RBFOX1: variants seen among roughly 807,000 people sequenced by gnomAD.
RBFOX1 encodes the protein RNA binding protein fox-1 homolog 1.
Under a neutral mutation model 57.7 loss-of-function variants are expected in RBFOX1, and 8 were observed. That is an observed-to-expected ratio of 0.14 (90% confidence interval 0.08 to 0.25). The LOEUF (loss-of-function observed/expected upper bound fraction) is 0.25, where lower values mean the gene tolerates loss of function less well. Ranked by LOEUF, RBFOX1 falls within the 10% of genes least tolerant of loss-of-function variation. The probability of loss-of-function intolerance (pLI) is 1.00; values close to 1 mark genes in which losing one functional copy is unlikely to be tolerated. For synonymous variants in RBFOX1, 326 were observed against 222.4 expected (o/e 1.47, Z -4.15); for missense variants, 611 against 548.5 (o/e 1.11, Z -1.14).
intron 2 of RBFOX1, among the ~76,000 whole-genome samples, chr16:6,385,122 A>G (rs546775290): frequency 3.9e-5 from 6 of 152,290 alleles, no homozygotes; most frequent in African/African-American, 1.4e-4. Flanking sequence ...CAGATTAACC[A>G]TGTTCAGCCT....
chr16:5,592,563 C>T (rs1036519752), intron 2 of RBFOX1, among the ~76,000 whole-genome samples: 1 of 152,072 alleles, frequency 6.6e-6, no homozygotes, highest in Non-Finnish European at 1.5e-5. Flanking sequence ...ATTACAGACT[C>T]CCACCACCAT....
intron 4 of RBFOX1, among the ~76,000 whole-genome samples, chr16:7,149,625 A>G (rs1011483883): frequency 1.1e-4 from 16 of 151,648 alleles, no homozygotes; most frequent in African/African-American, 3.9e-4. Context: ...AGCTGGGATT[A>G]CAGGTGCACA....
At chr16:6,242,613 A>G in intron 1 of RBFOX1, among the ~76,000 whole-genome samples, 1 of 129,356 alleles carries the variant, frequency 7.7e-6, no homozygotes, top group Non-Finnish European at 1.6e-5. Flanking sequence ...AGTTTGAGAG[A>G]GGATAATTTA....
chr16:5,813,538 A>G (rs1328236388), intron 3 of RBFOX1, among the ~76,000 whole-genome samples: 1 of 152,244 alleles, frequency 6.6e-6, no homozygotes, highest in African/African-American at 2.4e-5. Flanking sequence ...TACCATGCTC[A>G]CTGCAAGAAG....
At chr16:7,507,356 T>C (rs73484411) in intron 4 of RBFOX1, among the ~76,000 whole-genome samples, 5,571 of 151,684 alleles carry the variant, frequency 0.037, 339 homozygotes, top group African/African-American at 0.13. Context: ...TTAAAGAATG[T>C]TGGTATGATG....
At chr16:7,371,553 C>G (rs1186581153) in intron 4 of RBFOX1, among the ~76,000 whole-genome samples, 1 of 152,094 alleles carries the variant, frequency 6.6e-6, no homozygotes, top group African/African-American at 2.4e-5. Context: ...AGATCGAGAC[C>G]AGCCTGGCCA....
chr16:6,977,443 C>T (rs1003958132), intron 3 of RBFOX1, among the ~76,000 whole-genome samples: 2 of 152,048 alleles, frequency 1.3e-5, no homozygotes, highest in Non-Finnish European at 2.9e-5. Context: ...CTTAACCATA[C>T]ACATCTAGAG....
At chr16:7,645,219 T>A (rs2063522809) in intron 11 of RBFOX1, among the ~76,000 whole-genome samples, 1 of 152,186 alleles carries the variant, frequency 6.6e-6, no homozygotes, top group Non-Finnish European at 1.5e-5. Flanking sequence ...TGACTAAAAC[T>A]TTTCTACCAT....
intron 2 of RBFOX1, among the ~76,000 whole-genome samples, chr16:5,556,408 G>A (rs886871206): frequency 3.3e-5 from 5 of 152,208 alleles, no homozygotes; most frequent in African/African-American, 4.8e-5. Flanking sequence ...TTGTTCTATG[G>A]CTTGAGTTCC....
intron 2 of RBFOX1, among the ~76,000 whole-genome samples, chr16:6,586,767 G>T (rs1247997404): frequency 6.6e-6 from 1 of 152,152 alleles, no homozygotes; most frequent in Admixed American, 6.5e-5. Context: ...GTCCCGGCCA[G>T]ATCTCAGTTG....
At chr16:6,274,658 A>T (rs371666387) in intron 1 of RBFOX1, among the ~76,000 whole-genome samples, 3 of 152,164 alleles carry the variant, frequency 2.0e-5, no homozygotes, top group Middle Eastern at 3.2e-3. Context: ...ATATCATACT[A>T]TGGTTTTGAA....
At chr16:6,220,534 A>G (rs186717699) in intron 1 of RBFOX1, among the ~76,000 whole-genome samples, 1 of 152,326 alleles carries the variant, frequency 6.6e-6, no homozygotes, top group African/African-American at 2.4e-5. Flanking sequence ...TTGTATCATT[A>G]ATATCTCTCA....
chr16:6,685,972 C>G (rs1211887700), intron 3 of RBFOX1, among the ~76,000 whole-genome samples: 2 of 152,112 alleles, frequency 1.3e-5, no homozygotes, highest in African/African-American at 2.4e-5. Context: ...CGTGACAAAA[C>G]CAAGCAGGTT....
At chr16:5,540,222 G>C (rs1431844363) in intron 2 of RBFOX1, among the ~76,000 whole-genome samples, 1 of 152,140 alleles carries the variant, frequency 6.6e-6, no homozygotes, top group Non-Finnish European at 1.5e-5. Flanking sequence ...ATACCTTTGA[G>C]CATAGAATTC....
At chr16:7,299,763 C>T (rs1038980769) in intron 4 of RBFOX1, among the ~76,000 whole-genome samples, 1 of 152,204 alleles carries the variant, frequency 6.6e-6, no homozygotes, top group African/African-American at 2.4e-5. Flanking sequence ...AAGTGCCAAA[C>T]TTCTCACCCC....
At chr16:6,923,639 A>G (rs1385101606) in intron 3 of RBFOX1, among the ~76,000 whole-genome samples, 1 of 152,190 alleles carries the variant, frequency 6.6e-6, no homozygotes, top group Non-Finnish European at 1.5e-5. Context: ...GCAGGGGAGC[A>G]TGGAAGATGC....
chr16:7,213,226 A>G (rs1313937210), intron 4 of RBFOX1, among the ~76,000 whole-genome samples: 1 of 152,300 alleles, frequency 6.6e-6, no homozygotes, highest in African/African-American at 2.4e-5. Flanking sequence ...CAGAAAAACA[A>G]TGAGGCATCA....
intron 4 of RBFOX1, among the ~76,000 whole-genome samples, chr16:7,225,532 T>G (rs374701921): frequency 1.3e-5 from 2 of 151,816 alleles, no homozygotes; most frequent in Non-Finnish European, 2.9e-5. Flanking sequence ...AAATTACCAG[T>G]CTCAAGTATG....
chr16:6,813,220 C>G (rs2089199417), intron 3 of RBFOX1, among the ~76,000 whole-genome samples: 1 of 152,134 alleles, frequency 6.6e-6, no homozygotes, highest in African/African-American at 2.4e-5. Flanking sequence ...TGGCTAATTA[C>G]TGAAATTTAC....
Sources: allele counts gnomAD v4.1 joint callset (sites outside exome capture counted in the v4.1 genomes callset), GRCh38; gene constraint gnomAD v4.1.1; transcripts MANE v1.5; gene names NCBI Gene and HGNC (gene_info 2026-07-23, HGNC 2026-07-21).